The following EIF2B1 variants were observed in gnomAD, a reference collection of about 807,000 sequenced individuals.
EIF2B1 encodes the protein translation initiation factor eIF2B subunit alpha.
Under a neutral mutation model 36.8 loss-of-function variants are expected in EIF2B1, and 30 were observed. The ratio of observed to expected loss-of-function variants is 0.81; its 90% confidence interval spans 0.61 to 1.10. EIF2B1 has a LOEUF of 1.10. Ranked by LOEUF, EIF2B1 falls within the 50% of genes least tolerant of loss-of-function variation. The probability of loss-of-function intolerance (pLI) is 0.00; values close to 1 mark genes in which losing one functional copy is unlikely to be tolerated. For synonymous variants in EIF2B1, 139 were observed against 142.2 expected, an observed-to-expected ratio of 0.98 and a Z score of 0.16; for missense variants, 271 against 374.8, an observed-to-expected ratio of 0.72 and a Z score of 2.29.
chr12:123,625,368 C>G (rs1403653622), intron 6 of EIF2B1, among the ~76,000 whole-genome samples: 1 of 152,066 alleles, frequency 6.6e-6, no homozygotes, highest in African/African-American at 2.4e-5. Context: ...CCTCCCATTT[C>G]AGCCTCCCAG....
Position 123,630,560 on chromosome 12 carries a change from T to G in EIF2B1, c.116-27A>C. The G allele has an allele frequency of 1.2e-6, 2 of 1,609,698 alleles. No individual in the cohort carries two copies. Among genetic ancestry groups the G allele is most frequent in the Non-Finnish European group, 1.7e-6 (2 of 1,179,790 alleles). ...TGGAATGATCCAACAAGGAATGTGA[T>G]GTTCACATTAGGGCCACAGCCCCGA... On this transcript the variant is annotated intron_variant, in intron 2 of 8. Transcript: ENST00000424014. This position sits in a 1 kb window ranked among gnomAD's most constrained non-coding sequence, Gnocchi z 4.6.
chr12:123,632,377 C>T lies in EIF2B1; in HGVS notation c.83G>A (p.Arg28Gln), dbSNP rs773413619. Residue 28 changes from arginine (R) to glutamine (Q), a missense_variant, in exon 2 of 9, where the codon CGG becomes CAG. Physicochemically the swap from Arg to Gln is conservative, Grantham distance 43. Coordinates refer to ENST00000424014, the MANE Select transcript of EIF2B1 (RefSeq NM_001414.4). ...TCTCTTCAAGAACTCCAGCAACGTC[C>T]GGATGGCAGCCACTGCTGAGGCCAT... ...PDMASAVAAIRTLLEFLKRDK... is the reference protein window; with the variant it reads ...PDMASAVAAIQTLLEFLKRDK... 38 of 1,613,416 alleles carry T rather than the reference C, an allele frequency of 2.4e-5. No homozygotes were observed. In the East Asian group the frequency reaches 3.8e-4, roughly 16 times the overall value.
chr12:123,624,554 C>A (rs1382874364), intron 7 of EIF2B1, among the ~76,000 whole-genome samples: 1 of 152,172 alleles, frequency 6.6e-6, no homozygotes, highest in Non-Finnish European at 1.5e-5. Context: ...GGCATCACAC[C>A]TGACCAAATT....
In EIF2B1 at chr12:123,623,576, G is replaced by A. The variant is rs150218261; in HGVS notation, c.628-815C>T. Among the ~76,000 whole-genome samples the A allele has an allele frequency of 9.8e-4, 149 of 151,934 alleles. 1 individual carries two copies. Among genetic ancestry groups the A allele is most frequent in the African/African-American group, 3.3e-3 (135 of 41,470 alleles). On this transcript the variant is annotated intron_variant, in intron 7 of 8. Transcript: ENST00000424014. The stretch of plus-strand genomic sequence containing the variant: ...AGACCTCCGCCTCCCAGGTTCAAGC[G>A]ATTCTCCTGCGTCAGCCTGCCAAGT...
At chr12:123,629,229 G>T (rs577559566) in intron 4 of EIF2B1, among the ~76,000 whole-genome samples, 2 of 152,308 alleles carry the variant, frequency 1.3e-5, no homozygotes, top group East Asian at 3.9e-4. Context: ...GCTGGTGGGA[G>T]GGGCATTATG....
intron 2 of EIF2B1, among the ~76,000 whole-genome samples, chr12:123,631,622 C>G (rs111601834): frequency 0.075 from 11,337 of 151,902 alleles, 1,045 homozygotes; most frequent in African/African-American, 0.22. Flanking sequence ...TTCTGGCTAA[C>G]AAAGTGAAAC....
In EIF2B1 at chr12:123,633,641, C is replaced by T. The variant is rs775386431; in HGVS notation, c.-84G>A. ...GTCCGCCGGCCGCGCCGCCTGCGAG[C>T]CAGTCTGACAGCGCGCTGCACACCT... On this transcript the variant is annotated 5_prime_UTR_variant, in exon 1 of 9. Coordinates refer to ENST00000424014, the MANE Select transcript of EIF2B1 (RefSeq NM_001414.4). 1.9e-6 allele frequency: 3 copies of T among 1,588,462 alleles called. No individual in the cohort carries two copies. Among genetic ancestry groups the T allele is most frequent in the Non-Finnish European group, 2.6e-6 (3 of 1,169,840 alleles).
chr12:123,624,969 T>A, intron 6 of EIF2B1, 107 bp from the exon 7 acceptor site: 1 of 1,035,814 alleles, frequency 9.7e-7, no homozygotes, highest in Non-Finnish European at 1.5e-6. Context: ...GTTCCTCCCA[T>A]AACTACCTGT....
chr12:123,624,204 C>T (rs921647077), intron 7 of EIF2B1, among the ~76,000 whole-genome samples: 3 of 149,644 alleles, frequency 2.0e-5, no homozygotes, highest in Admixed American at 2.0e-4. Context: ...AAGCAAAAAC[C>T]AGACAAACCC....
chr12:123,631,936 T>C (rs7134190), intron 2 of EIF2B1, among the ~76,000 whole-genome samples: 16,972 of 151,516 alleles, frequency 0.11, 2,411 homozygotes, highest in African/African-American at 0.33. Flanking sequence ...ATTGTGCCAT[T>C]GCACTCCAGC....
intron 4 of EIF2B1, chr12:123,629,956 C>G: frequency 1.6e-6 from 1 of 625,376 alleles, no homozygotes; most frequent in Non-Finnish European, 2.9e-6. Context: ...ACCCCTTGCC[C>G]CTTACATGTC....
chr12:123,628,936 A>C (rs1484201610), intron 4 of EIF2B1, among the ~76,000 whole-genome samples: 1 of 152,190 alleles, frequency 6.6e-6, no homozygotes, highest in Non-Finnish European at 1.5e-5. Flanking sequence ...ACCACACTAC[A>C]CTAGAGCAAA....
rs774320069 is a variant in EIF2B1, at chr12:123,627,098, G to A, written c.428C>T (p.Ala143Val). The change falls in exon 5 of 9, where the codon GCG becomes GTG. Residue 143 changes from alanine (A) to valine (V), a missense_variant. Transcript: ENST00000424014. ...GTATACACTAAATCGCTTCTTGGCC[G>A]CCACGGCTGCTTCCAGGACTCTCAG... Reference protein sequence around the residue: ...VVLRVLEAAVAAKKRFSVYVT... With the variant: ...VVLRVLEAAVVAKKRFSVYVT... 20 of 1,614,040 alleles carry A rather than the reference G, an allele frequency of 1.2e-5. No individual in the cohort carries two copies. Among genetic ancestry groups the A allele is most frequent in the Admixed American group, 5.0e-5 (3 of 59,984 alleles).
In EIF2B1 at chr12:123,626,453, CAG is replaced by C. The variant is rs1419017846; in HGVS notation, c.521_522del (p.Pro174ArgfsTer24). 2 of 1,614,116 alleles carry C rather than the reference CAG, an allele frequency of 1.2e-6. No homozygotes were observed. The highest frequency in any genetic ancestry group is 1.7e-6 in the Non-Finnish European group (2 of 1,179,996). Reference sequence around the variant, plus strand: ...ACAGCAGCATCTAGCACCACAGTGACAGGGACGTTGAGGTGGCAGAGGGCTTT... The same window carrying C: ...ACAGCAGCATCTAGCACCACAGTGACGGACGTTGAGGTGGCAGAGGGCTTT... The part of the protein sequence containing the change: ...MAKALCHLNV[P>X]VTVVLDAAVG... On this transcript the variant is annotated frameshift_variant, in exon 6 of 9. Transcript: ENST00000424014. LOFTEE classifies it high-confidence loss of function.
rs759984299 is a variant in EIF2B1 at position 123,626,428 on chromosome 12, A to G, written c.548T>C (p.Val183Ala). ...VPVTVVLDAA[V>A]GYIMEKADLV... ...GCTGGGGAAGATGGGCACTCACCCG[A>G]CAGCAGCATCTAGCACCACAGTGAC... The change falls in exon 6 of 9, where the codon GTC becomes GCC. Residue 183 changes from valine (V) to alanine (A), a missense_variant. Transcript: ENST00000424014. 6.2e-7 allele frequency: 1 copy of G among 1,614,138 alleles called. No homozygotes were observed. The highest frequency in any genetic ancestry group is 8.5e-7 in the Non-Finnish European group (1 of 1,179,994).
At position 123,632,378 on chromosome 12, in the gene EIF2B1, G is replaced by A. The variant is rs150217005; in HGVS notation, c.82C>T (p.Arg28Trp). 83 of 1,613,418 alleles carry A rather than the reference G, an allele frequency of 5.1e-5. No homozygotes were observed. The highest frequency in any genetic ancestry group is 3.3e-4 in the Middle Eastern group (2 of 6,084). The change falls in exon 2 of 9, where the codon CGG (arginine) becomes TGG (tryptophan). Residue 28 changes from arginine (R) to tryptophan (W), a missense_variant. Transcript: ENST00000424014. Reference protein sequence around the residue: ...PDMASAVAAIRTLLEFLKRDK... With the variant: ...PDMASAVAAIWTLLEFLKRDK... ...CTCTTCAAGAACTCCAGCAACGTCCGGATGGCAGCCACTGCTGAGGCCATG... is the reference window on the plus strand; with the variant it reads ...CTCTTCAAGAACTCCAGCAACGTCCAGATGGCAGCCACTGCTGAGGCCATG...
In EIF2B1 at chr12:123,620,580, T is replaced by TTTTATATATA. The variant is rs1491406627; in HGVS notation, c.*1175_*1176insTATATATAAA. ...GGTCACATATAGACATATGTACATA[T>TTTTATATATA]TATATATATATATATATATATATAT... On this transcript the variant is annotated 3_prime_UTR_variant, in exon 9 of 9. Transcript: ENST00000424014. 2 of 65,352 alleles carry TTTTATATATA rather than the reference T, an allele frequency of 3.1e-5. No homozygotes were observed. Among genetic ancestry groups the TTTTATATATA allele is most frequent in the East Asian group, 1.4e-3 (1 of 732 alleles). 4.0% of individuals were successfully genotyped at this position (65,352 alleles called of 1,614,324 possible).
intron 4 of EIF2B1, 86 bp from the exon 5 acceptor site, chr12:123,627,242 C>G (rs1327746321): frequency 3.3e-5 from 33 of 989,512 alleles, no homozygotes; most frequent in Non-Finnish European, 5.0e-5. Flanking sequence ...TTCCCGACAC[C>G]CTAAGCATCT....
intron 6 of EIF2B1, among the ~76,000 whole-genome samples, chr12:123,625,427 G>A (rs1292299292): frequency 6.6e-6 from 1 of 151,794 alleles, no homozygotes; most frequent in Non-Finnish European, 1.5e-5. Context: ...ATGGGGTTTC[G>A]CCATATTGCC....
Sources: gnomAD v4.1 joint callset for allele counts (sites outside exome capture counted in the v4.1 genomes callset) on GRCh38, gnomAD v4.1.1 for gene constraint, Gnocchi (gnomAD v3.1) non-coding constraint, MANE v1.5 for transcripts, NCBI Gene and HGNC (gene_info 2026-07-23, HGNC 2026-07-21) for gene names.